TMEM181: variants seen among roughly 807,000 people sequenced by gnomAD.
TMEM181 encodes the protein G protein-coupled receptor 178.
TMEM181 carries 39 observed loss-of-function variants against 71.9 expected under a neutral mutation model. That is an observed-to-expected ratio of 0.54 (90% CI 0.42 to 0.71). The LOEUF (loss-of-function observed/expected upper bound fraction) is 0.71. Ranked by LOEUF, TMEM181 falls within the 30% of genes least tolerant of loss-of-function variation. The pLI, the probability that TMEM181 is intolerant of heterozygous loss-of-function variation, is 0.00. For synonymous variants in TMEM181, 245 were observed against 228.8 expected, an observed-to-expected ratio of 1.07 and a Z score of -0.64; for missense variants, 595 against 583.0, an observed-to-expected ratio of 1.02 and a Z score of -0.21.
intron 10 of TMEM181, among the ~76,000 whole-genome samples, chr6:158,609,485 A>G (rs1785163597): frequency 6.6e-6 from 1 of 152,094 alleles, no homozygotes; most frequent in Admixed American, 6.5e-5. Context: ...CCCCAATGCT[A>G]TTACAGGCAG....
chr6:158,605,913 G>A (rs1784924067), intron 7 of TMEM181, among the ~76,000 whole-genome samples: 1 of 152,170 alleles, frequency 6.6e-6, no homozygotes, highest in Non-Finnish European at 1.5e-5. Context: ...TTGGTAAATT[G>A]GAGGAAGGGA....
At chr6:158,622,362 C>T (rs1315149544) in intron 10 of TMEM181, among the ~76,000 whole-genome samples, 1 of 152,076 alleles carries the variant, frequency 6.6e-6, no homozygotes, top group African/African-American at 2.4e-5. Flanking sequence ...ATGGTGTAGG[C>T]ATTGTGACAT....
chr6:158,584,800 T>A (rs1342747342), intron 4 of TMEM181, among the ~76,000 whole-genome samples: 1 of 152,220 alleles, frequency 6.6e-6, no homozygotes, highest in Non-Finnish European at 1.5e-5. Flanking sequence ...TACTACGTAT[T>A]TGTCTAGAAA....
At chr6:158,631,277 C>T (rs750624504) in intron 15 of TMEM181, 46 bp from the exon 16 acceptor site, 56 of 1,600,270 alleles carry the variant, frequency 3.5e-5, no homozygotes, top group Non-Finnish European at 3.0e-5. Flanking sequence ...TGTCCAGGCT[C>T]ATCACGTCAA....
In TMEM181 at chr6:158,582,111, G is replaced by T. The variant is rs1329707587; in HGVS notation, c.168+1116G>T. On this transcript the variant is annotated intron_variant, in intron 3 of 16. Transcript: ENST00000684151. ...TTGATTTTTCTCTTTGCTACTGCTA[G>T]TTTGAAAGGGCCCTCTGCATAGCCT... 2.0e-5 allele frequency among the ~76,000 whole-genome samples: 3 copies of T among 152,184 alleles called. No individual in the cohort carries two copies. In the East Asian group the frequency reaches 5.8e-4, roughly 29 times the overall value.
rs1785921135 is a variant in TMEM181 at position 158,620,963 on chromosome 6, T to C, written c.897-2587T>C. On this transcript the variant is annotated intron_variant, in intron 10 of 16. Transcript: ENST00000684151. The surrounding 1 kb of genome is among the most constrained non-coding windows in gnomAD (Gnocchi z 4.5). ...CACTCTCTTACGGGCTAAGAGTATT[T>C]AAGCGTTCAGGGTGGGAGAGCTTAT... is the stretch of plus-strand genomic sequence containing the variant. 6.6e-6 allele frequency among the ~76,000 whole-genome samples: 1 copy of C among 152,260 alleles called. No individual in the cohort carries two copies. Among genetic ancestry groups the C allele is most frequent in the African/African-American group, 2.4e-5 (1 of 41,472 alleles).
At chr6:158,622,909 C>T (rs1229266243) in intron 10 of TMEM181, among the ~76,000 whole-genome samples, 1 of 152,200 alleles carries the variant, frequency 6.6e-6, no homozygotes, top group Non-Finnish European at 1.5e-5. Context: ...AAGCCCTATG[C>T]CCGCTCCCAC....
intron 1 of TMEM181, among the ~76,000 whole-genome samples, chr6:158,545,628 G>C (rs1781503264): frequency 6.6e-6 from 1 of 152,028 alleles, no homozygotes; most frequent in Non-Finnish European, 1.5e-5. Context: ...CATGCTGTAA[G>C]GGGGCATGGC....
Position 158,628,121 on chromosome 6 carries a change from C to T in TMEM181, c.1110-287C>T, listed in dbSNP as rs187478196. On this transcript the variant is annotated intron_variant, in intron 13 of 16. Transcript: ENST00000684151. ...ATGTGCCAAGGAGGCTTCAAGGCCC[C>T]GAGTAGGGAGAGTGTGATGGGGCCT... is the stretch of plus-strand genomic sequence containing the variant. 3.6e-4 allele frequency among the ~76,000 whole-genome samples: 55 copies of T among 152,214 alleles called. No homozygotes were observed. In the East Asian group the frequency reaches 5.8e-3, roughly 16 times the overall value.
At chr6:158,586,839 G>A (rs952595425) in intron 5 of TMEM181, among the ~76,000 whole-genome samples, 1 of 152,178 alleles carries the variant, frequency 6.6e-6, no homozygotes, top group Non-Finnish European at 1.5e-5. Flanking sequence ...TAGGAAAGCA[G>A]TAAAGATCAA....
rs560101833 is a variant in TMEM181, at chr6:158,564,120, A to C, written c.8+3888A>C. Reference sequence around the variant, plus strand: ...TAGCTAGAGAAATGACTTATACCCAAGTTGGCTGATTGAAATTTTAGAGTT... The same window carrying C: ...TAGCTAGAGAAATGACTTATACCCACGTTGGCTGATTGAAATTTTAGAGTT... On this transcript the variant is annotated intron_variant, in intron 1 of 16. Coordinates refer to ENST00000684151, the MANE Select transcript of TMEM181 (RefSeq NM_001376852.1). Among the ~76,000 whole-genome samples, 21 of 152,348 alleles carry C rather than the reference A, an allele frequency of 1.4e-4. 1 individual carries two copies. In the South Asian group the frequency reaches 4.1e-3, roughly 30 times the overall value.
intron 6 of TMEM181, among the ~76,000 whole-genome samples, chr6:158,602,842 A>G (rs1265878918): frequency 1.3e-5 from 2 of 152,074 alleles, no homozygotes; most frequent in Non-Finnish European, 2.9e-5. Flanking sequence ...TCAGCCTCCC[A>G]AAGTGTTGGG....
chr6:158,563,096 G>A (rs899068761), intron 1 of TMEM181, among the ~76,000 whole-genome samples: 2 of 152,222 alleles, frequency 1.3e-5, no homozygotes, highest in African/African-American at 4.8e-5. Context: ...CCACAGCATT[G>A]CTAGGTGGTG....
At chr6:158,593,863 G>GC (rs1784245612) in intron 6 of TMEM181, among the ~76,000 whole-genome samples, 1 of 151,782 alleles carries the variant, frequency 6.6e-6, no homozygotes, top group Non-Finnish European at 1.5e-5. Flanking sequence ...TCAGCATCTC[G>GC]CACCAAAGTG....
rs151207967 is a variant in TMEM181 at position 158,620,069 on chromosome 6, C to T, written c.897-3481C>T. Reference sequence around the variant, plus strand: ...GTTATTATCTTGTTTGTATTGGGACCAGGCCATATTGCAATAAAAAACTAA... The same window carrying T: ...GTTATTATCTTGTTTGTATTGGGACTAGGCCATATTGCAATAAAAAACTAA... On this transcript the variant is annotated intron_variant, in intron 10 of 16. Transcript: ENST00000684151. The surrounding 1 kb of genome is among the most constrained non-coding windows in gnomAD (Gnocchi z 4.5). Among the ~76,000 whole-genome samples, 1 of 152,128 alleles carries T rather than the reference C, an allele frequency of 6.6e-6. No individual in the cohort carries two copies. Among genetic ancestry groups the T allele is most frequent in the East Asian group, 1.9e-4 (1 of 5,178 alleles).
intron 5 of TMEM181, 44 bp downstream of exon 5, chr6:158,585,469 T>C: frequency 6.9e-7 from 1 of 1,447,748 alleles, no homozygotes; most frequent in Non-Finnish European, 9.1e-7. Context: ...TCAGGCTGTG[T>C]ACACGTTTAA....
intron 1 of TMEM181, 67 bp downstream of exon 1, chr6:158,560,299 C>T (rs527924393): frequency 1.1e-4 from 109 of 985,244 alleles, no homozygotes; most frequent in Non-Finnish European, 1.3e-4. Context: ...GTTGGGGATC[C>T]CTGGCTCCCG....
rs1469378490 is a variant in TMEM181 at position 158,585,370 on chromosome 6, C to T, written c.326C>T (p.Thr109Met). The change falls in exon 5 of 17, where the codon ACG becomes ATG. Residue 109 changes from threonine to methionine, a missense_variant. Transcript: ENST00000684151. Reference sequence around the variant, plus strand: ...GATGGTGTAGCTCAAGATGGAACCACGATGTACATTCATAACAAAGTTCAC... The same window carrying T: ...GATGGTGTAGCTCAAGATGGAACCATGATGTACATTCATAACAAAGTTCAC... Reference protein sequence around the residue: ...KVDGVAQDGTTMYIHNKVHNR... With the variant: ...KVDGVAQDGTMMYIHNKVHNR... 17 of 1,612,340 alleles carry T rather than the reference C, an allele frequency of 1.1e-5. No homozygotes were observed. Among genetic ancestry groups the T allele is most frequent in the African/African-American group, 2.7e-5 (2 of 74,852 alleles).
intron 6 of TMEM181, among the ~76,000 whole-genome samples, chr6:158,590,232 G>A (rs1784030554): frequency 6.6e-6 from 1 of 152,010 alleles, no homozygotes; most frequent in African/African-American, 2.4e-5. Flanking sequence ...TGAGGAGTGG[G>A]GGTTTAGACT....
Sources: gnomAD v4.1 joint callset for allele counts (sites outside exome capture counted in the v4.1 genomes callset) on GRCh38, gnomAD v4.1.1 for gene constraint, Gnocchi (gnomAD v3.1) non-coding constraint, MANE v1.5 for transcripts, NCBI Gene and HGNC (gene_info 2026-07-23, HGNC 2026-07-21) for gene names.